FAM168A: variants seen among roughly 807,000 people sequenced by gnomAD.
FAM168A encodes the protein family with sequence similarity 168 member A, also known as protein FAM168A.
A neutral mutation model predicts 28.5 loss-of-function variants in FAM168A; 3 were observed. The observed-to-expected ratio is 0.11, with a 90% CI of 0.05 to 0.27. The LOEUF (loss-of-function observed/expected upper bound fraction) is 0.27. Among genes scored for constraint, FAM168A ranks in the 10% least tolerant of loss-of-function variants. The probability of loss-of-function intolerance (pLI) is 1.00; values close to 1 mark genes in which losing one functional copy is unlikely to be tolerated. For missense variants in FAM168A, 222 were observed against 311.5 expected, an observed-to-expected ratio of 0.71 and a Z score of 2.16; for synonymous variants, 122 against 124.2, an observed-to-expected ratio of 0.98 and a Z score of 0.12.
At chr11:73,584,814 A>G (rs1358190483) in intron 1 of FAM168A, among the ~76,000 whole-genome samples, 1 of 152,116 alleles carries the variant, frequency 6.6e-6, no homozygotes, top group Non-Finnish European at 1.5e-5. Flanking sequence ...TATCAACCTC[A>G]GTGAACTCTC....
At position 73,460,499 on chromosome 11, in the gene FAM168A, C is replaced by CTTT. The variant is rs547956382; in HGVS notation, c.70+7903_70+7905dup. Among the ~76,000 whole-genome samples, 190 of 112,742 alleles carry CTTT rather than the reference C, an allele frequency of 1.7e-3. 1 individual carries two copies. The highest frequency in any genetic ancestry group is 2.4e-3 in the Non-Finnish European group (133 of 55,194). The allele number at this position is 112,742 out of a possible 152,430, so 74.0% of individuals were successfully genotyped here. A position where few individuals can be genotyped will look rare whatever the true frequency, so the allele number is the denominator to read the frequency against. The stretch of plus-strand genomic sequence containing the variant: ...GAATAATAAACAAAGGCTACTAATG[C>CTTT]TTTTTTTTTTTTTTTTTTTTTTGAG... On this transcript the variant is annotated intron_variant, in intron 2 of 7. Transcript: ENST00000356467.
At chr11:73,463,923 T>C (rs1590796194) in intron 2 of FAM168A, among the ~76,000 whole-genome samples, 2 of 152,266 alleles carry the variant, frequency 1.3e-5, no homozygotes. Context: ...AGTAATTAAG[T>C]GACCTTGGAG....
chr11:73,498,755 G>A (rs1854943791), intron 1 of FAM168A, among the ~76,000 whole-genome samples: 1 of 152,212 alleles, frequency 6.6e-6, no homozygotes, highest in Non-Finnish European at 1.5e-5. Flanking sequence ...CAGTCTGTGG[G>A]CAGAGTGCCA....
At chr11:73,581,192 T>C (rs1944240412) in intron 1 of FAM168A, among the ~76,000 whole-genome samples, 1 of 152,250 alleles carries the variant, frequency 6.6e-6, no homozygotes, top group Admixed American at 6.5e-5. Flanking sequence ...ATAGTGGCTT[T>C]CTGATTTTTG....
intron 1 of FAM168A, among the ~76,000 whole-genome samples, chr11:73,597,011 C>G (rs1325107751): frequency 1.3e-5 from 2 of 152,144 alleles, no homozygotes; most frequent in Non-Finnish European, 2.9e-5. Context: ...TTTATGTGCC[C>G]TCTGCCTTGA....
chr11:73,407,399 T>C (rs1464506975), intron 7 of FAM168A, 114 bp downstream of exon 7: 4 of 600,614 alleles, frequency 6.7e-6, no homozygotes, highest in Non-Finnish European at 5.6e-6. Context: ...AACTGGTAAC[T>C]TGACAGCTGT....
intron 1 of FAM168A, among the ~76,000 whole-genome samples, chr11:73,496,421 C>G (rs1854876787): frequency 6.6e-6 from 1 of 152,198 alleles, no homozygotes; most frequent in Admixed American, 6.5e-5. Context: ...TTGCACCAAC[C>G]TTTAGTTTCA....
intron 2 of FAM168A, among the ~76,000 whole-genome samples, chr11:73,455,301 C>G (rs1463292717): frequency 1.3e-5 from 2 of 152,218 alleles, no homozygotes; most frequent in African/African-American, 4.8e-5. Context: ...AGCACTTGCT[C>G]TAGTTCCTGC....
chr11:73,485,775 C>T (rs1868045129), intron 1 of FAM168A, among the ~76,000 whole-genome samples: 1 of 152,106 alleles, frequency 6.6e-6, no homozygotes, highest in African/African-American at 2.4e-5. Flanking sequence ...AGATGCCCTG[C>T]TGAAGGTTTG....
chr11:73,564,011 A>G (rs941385353), intron 1 of FAM168A, among the ~76,000 whole-genome samples: 1 of 152,210 alleles, frequency 6.6e-6, no homozygotes, highest in African/African-American at 2.4e-5. Context: ...TGGTTCTATC[A>G]TAAGCCAGAC....
At chr11:73,574,359 C>T (rs780128956) in intron 1 of FAM168A, among the ~76,000 whole-genome samples, 1 of 152,118 alleles carries the variant, frequency 6.6e-6, no homozygotes, top group Non-Finnish European at 1.5e-5. Context: ...GCTGGACCTC[C>T]CACCAAGTTT....
chr11:73,566,315 G>A (rs533569888), intron 1 of FAM168A, among the ~76,000 whole-genome samples: 1 of 152,162 alleles, frequency 6.6e-6, no homozygotes, highest in South Asian at 2.1e-4. Context: ...CTCTTCAAGG[G>A]GATGCATTTT....
rs899285078 is a variant in FAM168A, at chr11:73,455,011, G to A, written c.70+13394C>T. Among the ~76,000 whole-genome samples the A allele has an allele frequency of 6.6e-5, 10 of 152,218 alleles. No homozygotes were observed. The South Asian group carries it at 1.4e-3, about 22-fold the overall frequency. On this transcript the variant is annotated intron_variant, in intron 2 of 7. Transcript: ENST00000356467. ...TGGCCCTTTGCACTCGCTGGTGGAA[G>A]GCAGCCTCACACAAAAAGGCAAAGA...
intron 1 of FAM168A, among the ~76,000 whole-genome samples, chr11:73,506,356 GCAAT>G (rs1373776645): frequency 1.3e-5 from 2 of 151,624 alleles, no homozygotes; most frequent in East Asian, 3.9e-4. Context: ...CTCCAGTGGC[GCAAT>G]CAGTTAGCAC....
chr11:73,409,682 T>C, intron 5 of FAM168A, 21 bp from the exon 6 acceptor site: 1 of 1,585,890 alleles, frequency 6.3e-7, no homozygotes, highest in Non-Finnish European at 8.6e-7. Flanking sequence ...GAGGCTGAGG[T>C]CACATAGGCA....
At chr11:73,555,640 A>G (rs1943881233) in intron 1 of FAM168A, among the ~76,000 whole-genome samples, 1 of 151,734 alleles carries the variant, frequency 6.6e-6, no homozygotes, top group East Asian at 1.9e-4. Flanking sequence ...CCCGGGAGGC[A>G]GCGGTTGCAA....
At chr11:73,489,625 C>T (rs1868102260) in intron 1 of FAM168A, among the ~76,000 whole-genome samples, 2 of 151,848 alleles carry the variant, frequency 1.3e-5, no homozygotes. Context: ...ATCTTCCCAT[C>T]TCAGCCTCCC....
chr11:73,592,951 T>G (rs1176678435), intron 1 of FAM168A, among the ~76,000 whole-genome samples: 2 of 152,112 alleles, frequency 1.3e-5, no homozygotes, highest in African/African-American at 4.8e-5. Flanking sequence ...TAATTTCTAG[T>G]TTTTATCATG....
At chr11:73,495,124 A>G (rs2134614007) in intron 1 of FAM168A, among the ~76,000 whole-genome samples, 1 of 144,536 alleles carries the variant, frequency 6.9e-6, no homozygotes, top group East Asian at 2.0e-4. Context: ...AATGGTATAG[A>G]CGTAAAAAAA....
Sources: allele counts gnomAD v4.1 joint callset (sites outside exome capture counted in the v4.1 genomes callset), GRCh38; gene constraint gnomAD v4.1.1; transcripts MANE v1.5; gene names NCBI Gene and HGNC (gene_info 2026-07-23, HGNC 2026-07-21).